Variants in P2RX6 observed in about 807,000 individuals in gnomAD.
The protein encoded by P2RX6 is P2X purinoceptor 6.
P2RX6 carries 62 observed loss-of-function variants against 54.2 expected under a neutral mutation model. That is an observed-to-expected ratio of 1.14 (90% CI 0.93 to 1.41). The LOEUF (loss-of-function observed/expected upper bound fraction) is 1.41. Among genes scored for constraint, P2RX6 ranks in the 40% most tolerant of loss-of-function variants. P2RX6 has a pLI of 0.00. For synonymous variants in P2RX6, 211 were observed against 231.9 expected, an observed-to-expected ratio of 0.91 and a Z score of 0.82; for missense variants, 541 against 566.3, an observed-to-expected ratio of 0.96 and a Z score of 0.45.
At chr22:21,025,666 C>T (rs1393105549) in intron 8 of P2RX6, 139 bp from the exon 9 acceptor site, 7 of 636,676 alleles carry the variant, frequency 1.1e-5, no homozygotes, top group Non-Finnish European at 1.9e-5. Context: ...TCACCAATTA[C>T]ATAGGGCTGA....
rs1375277367 is a variant in P2RX6 at position 21,015,304 on chromosome 22, C to G, written c.130C>G (p.Leu44Val). 2 of 1,561,294 alleles carry G rather than the reference C, an allele frequency of 1.3e-6. No individual in the cohort carries two copies. Among genetic ancestry groups the G allele is most frequent in the Non-Finnish European group, 8.6e-7 (1 of 1,160,882 alleles). ...RNWRVGALQRLLQFGIVVYVV... is the reference protein window; with the variant it reads ...RNWRVGALQRVLQFGIVVYVV... ...CTGGCGGGTGGGCGCCCTGCAGAGG[C>G]TGCTGCAGTTTGGGATCGTGGTCTA... The change falls in exon 1 of 12, where the codon CTG becomes GTG. Residue 44 changes from leucine (L) to valine (V), a missense_variant. Physicochemically the swap from Leu to Val is conservative, Grantham distance 32. Transcript: ENST00000413302.
intron 8 of P2RX6, 76 bp downstream of exon 8, chr22:21,023,694 C>T (rs1927898507): frequency 3.0e-6 from 3 of 997,250 alleles, no homozygotes; most frequent in Non-Finnish European, 4.6e-6. Context: ...ACAGACCACA[C>T]CCAGGCCCAG....
chr22:21,015,796 A>G (rs1926250880), intron 1 of P2RX6, 146 bp from the exon 2 acceptor site: 4 of 754,470 alleles, frequency 5.3e-6, no homozygotes, highest in Non-Finnish European at 6.4e-6. Flanking sequence ...CTGGAGTGGG[A>G]AGTGGGGCCA....
At chr22:21,011,051 A>G (rs913544510), upstream of P2RX6, among the ~76,000 whole-genome samples, 19 of 152,114 alleles carry the variant, frequency 1.2e-4, no homozygotes, top group African/African-American at 4.3e-4. Flanking sequence ...TAGAAGCATA[A>G]ACTATTTGTT....
Position 21,026,037 on chromosome 22 carries a change from G to A in P2RX6, c.1011G>A (p.Thr337=), listed in dbSNP as rs774201274. The change falls in exon 10 of 12, where the codon ACG becomes ACA. Residue 337 remains threonine (T), a synonymous_variant. Coordinates refer to ENST00000413302, the MANE Select transcript of P2RX6 (RefSeq NM_005446.5). The surrounding 1 kb of genome is among the most constrained non-coding windows in gnomAD (Gnocchi z 4.0). Reference sequence around the variant, plus strand: ...CAGGGAAGTTCGGGCTCATCCCCACGGCCGTCACACTGGGCACCGGGGCAG... The same window carrying A: ...CAGGGAAGTTCGGGCTCATCCCCACAGCCGTCACACTGGGCACCGGGGCAG... ...GQAGKFGLIP[T]AVTLGTGAAW... 11 of 1,611,880 alleles carry A rather than the reference G, an allele frequency of 6.8e-6. No homozygotes were observed. The highest frequency in any genetic ancestry group is 1.7e-5 in the Admixed American group (1 of 59,760).
At chr22:21,021,487 C>T (rs988547194) in intron 3 of P2RX6, among the ~76,000 whole-genome samples, 3 of 152,128 alleles carry the variant, frequency 2.0e-5, no homozygotes, top group Non-Finnish European at 2.9e-5. Context: ...GAGGCAGACA[C>T]AGGACATAGG....
intron 8 of P2RX6, among the ~76,000 whole-genome samples, chr22:21,024,104 C>T (rs1013660239): frequency 3.4e-5 from 5 of 147,658 alleles, no homozygotes; most frequent in Non-Finnish European, 5.9e-5. Context: ...TACAGGTGCT[C>T]GCCACTACTC....
Position 21,023,606 on chromosome 22 carries a change from G to A in P2RX6, c.878G>A (p.Ser293Asn). The change falls in exon 8 of 12, where the codon AGC becomes AAC. Residue 293 changes from serine (S) to asparagine (N), a missense_variant. Around this residue, in one of 2 missense-constraint regions of P2RX6, gnomAD observed 526 missense variants for 531.5 expected, o/e 0.99. Coordinates refer to ENST00000413302, the MANE Select transcript of P2RX6 (RefSeq NM_005446.5). ...TACTCCTTCCAGCTGCAGGAGAAGAGCTACAACTTCAGGTGAGGCCCCACT... is the reference window on the plus strand; with the variant it reads ...TACTCCTTCCAGCTGCAGGAGAAGAACTACAACTTCAGGTGAGGCCCCACT... ...PHYSFQLQEK[S>N]YNFRTATHWW... 1 of 1,607,782 alleles carries A rather than the reference G, an allele frequency of 6.2e-7. No homozygotes were observed. Among genetic ancestry groups the A allele is most frequent in the South Asian group, 1.1e-5 (1 of 89,938 alleles).
At chr22:21,020,772 A>G (rs1927243606) in intron 3 of P2RX6, among the ~76,000 whole-genome samples, 3 of 151,638 alleles carry the variant, frequency 2.0e-5, no homozygotes, top group Admixed American at 6.6e-5. Flanking sequence ...TTGTATTTTT[A>G]ATAGAGACAG....
At chr22:21,023,743 G>A in intron 8 of P2RX6, 125 bp downstream of exon 8, 1 of 700,056 alleles carries the variant, frequency 1.4e-6, no homozygotes, top group Non-Finnish European at 2.5e-6. Context: ...GGGGGTCCCA[G>A]GAGCAGGAGA....
rs1391733588 is a variant in P2RX6 at position 21,023,098 on chromosome 22, C to T, written c.558-20C>T. 1.2e-6 allele frequency: 2 copies of T among 1,613,174 alleles called. No individual in the cohort carries two copies. The highest frequency in any genetic ancestry group is 8.5e-7 in the Non-Finnish European group (1 of 1,179,256). On this transcript the variant is annotated intron_variant, in intron 5 of 11. Transcript: ENST00000413302. The stretch of plus-strand genomic sequence containing the variant: ...GGGCCCCAGGCCTGGCAGAGGCTGT[C>T]ACCTCCCTTCCACCTGCAGGAGGCC...
In P2RX6 at chr22:21,025,908, G is replaced by A; in HGVS notation, c.984+10G>A. Reference sequence around the variant, plus strand: ...CCTCGTCACCGGGCAGGTAGGCACAGGTAGGGGTCAGGCCGGGGATGGGAT... The same window carrying A: ...CCTCGTCACCGGGCAGGTAGGCACAAGTAGGGGTCAGGCCGGGGATGGGAT... On this transcript the variant is annotated intron_variant, in intron 9 of 11. Transcript: ENST00000413302. 6.3e-7 allele frequency: 1 copy of A among 1,580,510 alleles called. No homozygotes were observed. The highest frequency in any genetic ancestry group is 1.2e-5 in the South Asian group (1 of 86,486).
chr22:21,011,699 G>A (rs544043627), upstream of P2RX6: 2 of 640,556 alleles, frequency 3.1e-6, no homozygotes, highest in East Asian at 5.5e-5. Context: ...AGAGGAAAAG[G>A]ACTTACAGGT....
At chr22:21,025,430 A>C (rs1601779312) in intron 8 of P2RX6, among the ~76,000 whole-genome samples, 1 of 152,078 alleles carries the variant, frequency 6.6e-6, no homozygotes, top group East Asian at 1.9e-4. Flanking sequence ...TGTGCTGGCA[A>C]ACCACCTGTG....
At chr22:21,025,512 T>C (rs76529765) in intron 8 of P2RX6, among the ~76,000 whole-genome samples, 20,147 of 152,124 alleles carry the variant, frequency 0.13, 1,795 homozygotes, top group Non-Finnish European at 0.19. Flanking sequence ...AAGAGTGAGT[T>C]CCCATCTCTG....
chr22:21,016,588 C>CA (rs3046027), intron 2 of P2RX6, among the ~76,000 whole-genome samples: 198 of 103,304 alleles, frequency 1.9e-3, no homozygotes, highest in Middle Eastern at 4.6e-3. Flanking sequence ...GACTCTGTCT[C>CA]AAAAAAAAAA....
chr22:21,012,379 T>A, upstream of P2RX6: 1 of 316,588 alleles, frequency 3.2e-6, no homozygotes, highest in Non-Finnish European at 6.1e-6. Flanking sequence ...CCACCCCACA[T>A]ACCCCCTCCT....
At position 21,023,293 on chromosome 22, in the gene P2RX6, C is replaced by T. The variant is rs1927784353; in HGVS notation, c.657C>T (p.Thr219=). ...FNFSKSNALE[T]WDPTYFKHCR... ...CTCCCAGGTCCAATGCCTTGGAGAC[C>T]TGGGACCCCACCTATTTTAAGCACT... Residue 219 remains threonine (T), a synonymous_variant, in exon 7 of 12, where the codon ACC becomes ACT. Transcript: ENST00000413302. The T allele has an allele frequency of 3.1e-6, 5 of 1,613,966 alleles. No individual in the cohort carries two copies. The highest frequency in any genetic ancestry group is 3.3e-5 in the Admixed American group (2 of 60,030).
At chr22:21,015,587 T>G (rs1462738832) in intron 1 of P2RX6, among the ~76,000 whole-genome samples, 1 of 152,072 alleles carries the variant, frequency 6.6e-6, no homozygotes, top group South Asian at 2.1e-4. Context: ...AGGGGGCACA[T>G]GACATAGTCC....
Sources: gnomAD v4.1 joint callset for allele counts (sites outside exome capture counted in the v4.1 genomes callset) on GRCh38, gnomAD v4.1.1 for gene constraint, gnomAD v4.1.1 regional missense constraint, Gnocchi (gnomAD v3.1) non-coding constraint, MANE v1.5 for transcripts, NCBI Gene and HGNC (gene_info 2026-07-23, HGNC 2026-07-21) for gene names.